The following TXNDC16 variants were observed in gnomAD, a reference collection of about 807,000 sequenced individuals.
TXNDC16 encodes the protein thioredoxin domain containing 16.
Under a neutral mutation model 85.6 loss-of-function variants are expected in TXNDC16, and 74 were observed. That is an observed-to-expected ratio of 0.86 (90% CI 0.72 to 1.05). TXNDC16 has a LOEUF of 1.05. Ranked by LOEUF, TXNDC16 falls within the 50% of genes least tolerant of loss-of-function variation. The pLI is 0.00. For missense variants in TXNDC16, 959 were observed against 947.0 expected (o/e 1.01, Z -0.17); for synonymous variants, 335 against 326.5 (o/e 1.03, Z -0.28).
intron 20 of TXNDC16, among the ~76,000 whole-genome samples, chr14:52,436,766 A>G (rs1430884743): frequency 6.6e-6 from 1 of 152,132 alleles, no homozygotes; most frequent in Non-Finnish European, 1.5e-5. Context: ...ACTATACCTG[A>G]TAGTTGACAT....
intron 18 of TXNDC16, among the ~76,000 whole-genome samples, chr14:52,442,914 G>C (rs2035198988): frequency 6.6e-6 from 1 of 152,150 alleles, no homozygotes; most frequent in African/African-American, 2.4e-5. Flanking sequence ...AGACAGGTAA[G>C]TATACAGACT....
intron 9 of TXNDC16, among the ~76,000 whole-genome samples, chr14:52,504,834 T>G (rs1385778019): frequency 6.6e-6 from 1 of 152,166 alleles, no homozygotes; most frequent in African/African-American, 2.4e-5. Context: ...CCATCTCATG[T>G]GCAGAGACAC....
At chr14:52,514,855 G>T in intron 8 of TXNDC16, 25 bp downstream of exon 8, 2 of 1,515,618 alleles carry the variant, frequency 1.3e-6, no homozygotes, top group Admixed American at 2.0e-5. Context: ...CCTTTAAATT[G>T]TTGACATATG....
chr14:52,476,220 A>G (rs1396236171), intron 14 of TXNDC16, among the ~76,000 whole-genome samples: 1 of 152,172 alleles, frequency 6.6e-6, no homozygotes, highest in Non-Finnish European at 1.5e-5. Flanking sequence ...GAGCCTACCC[A>G]CATGAGAAGG....
intron 18 of TXNDC16, among the ~76,000 whole-genome samples, chr14:52,447,905 T>C (rs1287876441): frequency 6.6e-6 from 1 of 151,448 alleles, no homozygotes; most frequent in Non-Finnish European, 1.5e-5. Context: ...CTAACATATG[T>C]AGAATACATC....
At chr14:52,477,579 G>A (rs1317484119) in intron 14 of TXNDC16, among the ~76,000 whole-genome samples, 1 of 152,072 alleles carries the variant, frequency 6.6e-6, no homozygotes. Flanking sequence ...AAAAGACAAA[G>A]GGCGTCATTA....
chr14:52,501,583 AC>A (rs1261022005), intron 9 of TXNDC16, among the ~76,000 whole-genome samples: 1 of 152,212 alleles, frequency 6.6e-6, no homozygotes, highest in East Asian at 1.9e-4. Context: ...CTTCAGTAGT[AC>A]TATGAGAGAA....
At chr14:52,498,405 TCACACACACACA>T (rs140586435) in intron 9 of TXNDC16, among the ~76,000 whole-genome samples, 11 of 146,302 alleles carry the variant, frequency 7.5e-5, no homozygotes, top group African/African-American at 2.3e-4. Flanking sequence ...ACCCTAAAGA[TCACACACACACA>T]CACACACACA....
intron 1 of TXNDC16, among the ~76,000 whole-genome samples, chr14:52,546,924 C>G (rs2037952450): frequency 6.6e-6 from 1 of 152,168 alleles, no homozygotes; most frequent in South Asian, 2.1e-4. Context: ...AAAACTGTCA[C>G]TACAATAATT....
intron 9 of TXNDC16, among the ~76,000 whole-genome samples, chr14:52,493,216 T>TATATATATATATATATATAC: frequency 1.6e-3 from 191 of 115,880 alleles, no homozygotes; most frequent in African/African-American, 6.3e-3. Context: ...TATATATATA[T>TATATATATATATATATATAC]ACACACACAC....
chr14:52,450,694 C>T (rs2035386789), intron 18 of TXNDC16, among the ~76,000 whole-genome samples: 1 of 151,968 alleles, frequency 6.6e-6, no homozygotes, highest in Non-Finnish European at 1.5e-5. Flanking sequence ...CTATGGAAAA[C>T]AGTTGGAGAT....
intron 16 of TXNDC16, among the ~76,000 whole-genome samples, chr14:52,463,194 T>TTA (rs752926698): frequency 3.5e-5 from 5 of 141,926 alleles, no homozygotes; most frequent in Admixed American, 7.0e-5. Flanking sequence ...CCAGTTCAGA[T>TTA]AAAAAAAAAA....
At position 52,542,580 on chromosome 14, in the gene TXNDC16, A is replaced by G. The variant is rs2037855375; in HGVS notation, c.161-127T>C. ...AACAACAAATAACTAAACATATCTC[A>G]TTACATATTTTCACACCCTTATTTT... On this transcript the variant is annotated intron_variant, in intron 3 of 20. Coordinates refer to ENST00000281741, the MANE Select transcript of TXNDC16 (RefSeq NM_020784.3). The G allele has an allele frequency of 5.4e-6, 3 of 559,462 alleles. No individual in the cohort carries two copies. In the Admixed American group the frequency reaches 1.0e-4, roughly 19 times the overall value. The allele number at this position is 559,462 out of a possible 1,614,324, so 34.7% of individuals were successfully genotyped here.
intron 20 of TXNDC16, among the ~76,000 whole-genome samples, chr14:52,435,579 G>T (rs965875496): frequency 6.6e-5 from 10 of 151,922 alleles, no homozygotes; most frequent in Admixed American, 6.6e-4. Flanking sequence ...CCGTTTCCTA[G>T]GAAAATATTA....
In TXNDC16 at chr14:52,543,454, T is replaced by C. The variant is rs775509191; in HGVS notation, c.104A>G (p.Lys35Arg). 6.2e-7 allele frequency: 1 copy of C among 1,613,398 alleles called. No individual in the cohort carries two copies. The highest frequency in any genetic ancestry group is 1.1e-5 in the South Asian group (1 of 90,948). ...VNSLPELSPQ[K>R]YFSTLQPGKA... ...TCCTGGTTGCAATGTACTAAAATAT[T>C]TCTGAGGACTCAGTTCTGGTAAAGA... is the stretch of plus-strand genomic sequence containing the variant. Residue 35 changes from lysine (K) to arginine (R), a missense_variant, in exon 3 of 21, where the codon AAA becomes AGA. Coordinates refer to ENST00000281741, the MANE Select transcript of TXNDC16 (RefSeq NM_020784.3).
At chr14:52,521,412 C>T (rs974124272) in intron 6 of TXNDC16, among the ~76,000 whole-genome samples, 1 of 151,874 alleles carries the variant, frequency 6.6e-6, no homozygotes, top group African/African-American at 2.4e-5. Flanking sequence ...TGAGTCACTG[C>T]GCCTGGCCTT....
chr14:52,519,930 A>ATAAT (rs1397251978), intron 6 of TXNDC16, among the ~76,000 whole-genome samples: 2 of 152,296 alleles, frequency 1.3e-5, no homozygotes, highest in East Asian at 3.9e-4. Flanking sequence ...ATTACAACTT[A>ATAAT]TAATTATTTA....
rs1391911862 is a variant in TXNDC16, at chr14:52,431,616, A to C, written c.*688T>G. On this transcript the variant is annotated 3_prime_UTR_variant, in exon 21 of 21. Coordinates refer to ENST00000281741, the MANE Select transcript of TXNDC16 (RefSeq NM_020784.3). ...GCACGACTACCATTTCGGGCAGGAT[A>C]ATTCTTTGTTGTGGGGCGCTGTCCA... 6.6e-6 allele frequency: 1 copy of C among 152,188 alleles called. No homozygotes were observed. Among genetic ancestry groups the C allele is most frequent in the African/African-American group, 2.4e-5 (1 of 41,440 alleles). The allele number at this position is 152,188 out of a possible 1,614,324, so 9.4% of individuals were successfully genotyped here.
chr14:52,536,699 T>C lies in TXNDC16; in HGVS notation c.392+20A>G, dbSNP rs1336349142. On this transcript the variant is annotated intron_variant, in intron 6 of 20. Coordinates refer to ENST00000281741, the MANE Select transcript of TXNDC16 (RefSeq NM_020784.3). ...GATAAGTAACAAGTAAACAAATGAATGTGTAGCCCCTGTACTTACAAGAGA... is the reference window on the plus strand; with the variant it reads ...GATAAGTAACAAGTAAACAAATGAACGTGTAGCCCCTGTACTTACAAGAGA... 5.2e-5 allele frequency: 82 copies of C among 1,574,722 alleles called. No individual in the cohort carries two copies. The highest frequency in any genetic ancestry group is 6.8e-5 in the Non-Finnish European group (79 of 1,155,560).
Sources: allele counts gnomAD v4.1 joint callset (sites outside exome capture counted in the v4.1 genomes callset), GRCh38; gene constraint gnomAD v4.1.1; transcripts MANE v1.5; gene names NCBI Gene and HGNC (gene_info 2026-07-23, HGNC 2026-07-21).